The following SZRD1 variants were observed in gnomAD, a reference collection of about 807,000 sequenced individuals.
SZRD1 encodes the protein SUZ RNA-binding domain-containing.
In SZRD1, 7 loss-of-function variants were observed where a neutral mutation model predicts 17.6. The ratio of observed to expected loss-of-function variants is 0.40; its 90% CI spans 0.23 to 0.75. The LOEUF (loss-of-function observed/expected upper bound fraction) is 0.75, where lower values mean the gene tolerates loss of function less well. Among genes scored for constraint, SZRD1 ranks in the 30% least tolerant of loss-of-function variants. The pLI is 0.38. For synonymous variants in SZRD1, 77 were observed against 77.9 expected (o/e 0.99, Z 0.06); for missense variants, 178 against 201.8 (o/e 0.88, Z 0.71).
Position 16,393,164 on chromosome 1 carries a change from G to C in SZRD1, c.102-64G>C. ...AGGAAAGTGATGAGAGGTGGGTGTG[G>C]GACATGGACAGGGCCTCCTTAGTCA... On this transcript the variant is annotated intron_variant, in intron 2 of 3. Transcript: ENST00000401088. The surrounding 1 kb of genome is among the most constrained non-coding windows in gnomAD (Gnocchi z 5.6). The C allele has an allele frequency of 1.9e-6, 3 of 1,578,100 alleles. No individual in the cohort carries two copies. In the South Asian group the frequency reaches 3.5e-5, roughly 18 times the overall value.
At position 16,373,493 on chromosome 1, in the gene SZRD1, C is replaced by T. The variant is rs190262235; in HGVS notation, c.51+6185C>T. Among the ~76,000 whole-genome samples the T allele has an allele frequency of 8.5e-4, 127 of 150,214 alleles. No individual in the cohort carries two copies. The Middle Eastern group carries it at 0.017, about 20-fold the overall frequency. On this transcript the variant is annotated intron_variant, in intron 1 of 3. Coordinates refer to ENST00000401088, the MANE Select transcript of SZRD1 (RefSeq NM_001114600.3). Reference sequence around the variant, plus strand: ...ACTCGGGAGGCCAAGGCAGGAGAATCGCTTGAACCTGGGAGGTGGAGGTTG... The same window carrying T: ...ACTCGGGAGGCCAAGGCAGGAGAATTGCTTGAACCTGGGAGGTGGAGGTTG...
At chr1:16,389,188 A>G (rs376503166) in intron 1 of SZRD1, among the ~76,000 whole-genome samples, 139 of 137,282 alleles carry the variant, frequency 1.0e-3, no homozygotes, top group African/African-American at 3.7e-3. Flanking sequence ...GGTTCACGCC[A>G]TCCTCCTGCC....
At chr1:16,384,558 A>C (rs145928193) in intron 1 of SZRD1, among the ~76,000 whole-genome samples, 1 of 152,074 alleles carries the variant, frequency 6.6e-6, no homozygotes, top group African/African-American at 2.4e-5. Flanking sequence ...TATTTGTGGT[A>C]TGGGAAACAA....
Position 16,376,149 on chromosome 1 carries a change from G to A in SZRD1, c.51+8841G>A, listed in dbSNP as rs554766042. Among the ~76,000 whole-genome samples the A allele has an allele frequency of 8.8e-4, 134 of 152,292 alleles. 1 individual carries two copies. The highest frequency in any genetic ancestry group is 3.4e-3 in the Middle Eastern group (1 of 294). ...TCCTGGTCCGGGGAGGAAATCATGT[G>A]GTCGGTCCAGCCCTGGCTGTTAGGC... On this transcript the variant is annotated intron_variant, in intron 1 of 3. Transcript: ENST00000401088.
At chr1:16,368,213 A>C (rs1224306454) in intron 1 of SZRD1, among the ~76,000 whole-genome samples, 2 of 151,846 alleles carry the variant, frequency 1.3e-5, no homozygotes, top group East Asian at 3.8e-4. Flanking sequence ...GAATATGGGG[A>C]GATGCTTTTT....
rs187924314 is a variant in SZRD1, at chr1:16,381,454, G to A, written c.52-9921G>A. 2.0e-3 allele frequency among the ~76,000 whole-genome samples: 305 copies of A among 151,838 alleles called. 1 individual carries two copies. Among genetic ancestry groups the A allele is most frequent in the African/African-American group, 7.0e-3 (291 of 41,372 alleles). ...CGCCTGTAATCCCAGCTACTTGGGA[G>A]GCTGAGACAGGAGAATCGCTTGAAC... On this transcript the variant is annotated intron_variant, in intron 1 of 3. Coordinates refer to ENST00000401088, the MANE Select transcript of SZRD1 (RefSeq NM_001114600.3).
chr1:16,373,729 G>A (rs1436816580), intron 1 of SZRD1, among the ~76,000 whole-genome samples: 1 of 151,522 alleles, frequency 6.6e-6, no homozygotes. Context: ...TCAACCTCCC[G>A]AGTAGCTGGG....
intron 1 of SZRD1, chr1:16,367,675 C>G: frequency 3.6e-6 from 1 of 281,084 alleles, no homozygotes; most frequent in South Asian, 5.4e-5. Context: ...TTCTTGTGCT[C>G]TGACCGGGAC....
At chr1:16,394,475 C>T (rs1205053915) in intron 3 of SZRD1, among the ~76,000 whole-genome samples, 1 of 152,184 alleles carries the variant, frequency 6.6e-6, no homozygotes, top group Non-Finnish European at 1.5e-5. Flanking sequence ...TCAAGCACTC[C>T]CCCTGCCTAC....
chr1:16,369,261 A>G (rs1244164978), intron 1 of SZRD1: 2 of 613,172 alleles, frequency 3.3e-6, no homozygotes, highest in Non-Finnish European at 2.9e-6. Context: ...TATTCTTCAT[A>G]TATGTTTTGG....
chr1:16,381,097 A>C (rs1043955134), intron 1 of SZRD1, among the ~76,000 whole-genome samples: 3 of 151,452 alleles, frequency 2.0e-5, no homozygotes, highest in African/African-American at 4.8e-5. Flanking sequence ...AAAAAAAAAA[A>C]AAAAAAACTA....
At chr1:16,378,318 C>T (rs1158033718) in intron 1 of SZRD1, among the ~76,000 whole-genome samples, 3 of 134,750 alleles carry the variant, frequency 2.2e-5, no homozygotes, top group East Asian at 2.2e-4. Context: ...TGGAGTCTTG[C>T]TCTGTCGCCC....
Position 16,393,121 on chromosome 1 carries a change from G to A in SZRD1, c.102-107G>A, listed in dbSNP as rs536655167. The A allele has an allele frequency of 4.4e-5, 64 of 1,438,900 alleles. No individual in the cohort carries two copies. The African/African-American group carries it at 7.3e-4, about 16-fold the overall frequency. 89.1% of individuals were successfully genotyped at this position (1,438,900 alleles called of 1,614,324 possible). ...TCAGAGGCCAGAGAATCATGCATGG[G>A]TAGAATTAGGGAGGGAGAGGAAAGT... On this transcript the variant is annotated intron_variant, in intron 2 of 3. Coordinates refer to ENST00000401088, the MANE Select transcript of SZRD1 (RefSeq NM_001114600.3). The surrounding 1 kb of genome is among the most constrained non-coding windows in gnomAD (Gnocchi z 5.6).
Position 16,367,266 on chromosome 1 carries a change from T to C in SZRD1, c.9T>C (p.Asp3=). The C allele has an allele frequency of 1.9e-6, 3 of 1,548,118 alleles. No individual in the cohort carries two copies. Among genetic ancestry groups the C allele is most frequent in the Non-Finnish European group, 2.6e-6 (3 of 1,146,304 alleles). The part of the protein sequence containing the change: ME[D]EEVAESWEEA... The stretch of plus-strand genomic sequence containing the variant: ...GGAAAGCGGCGAGTAAGATGGAAGA[T>C]GAGGAGGTCGCTGAGAGCTGGGAAG... Residue 3 remains aspartate, a synonymous_variant, in exon 1 of 4, where the codon GAT becomes GAC. Transcript: ENST00000401088.
At position 16,393,823 on chromosome 1, in the gene SZRD1, G is replaced by A. The variant is rs2085257717; in HGVS notation, c.356+341G>A. ...TTCTTTAGAACGACTTGACCTCTCTGGGCCTTAGTTTTCTCATCTGAAAAA... is the reference window on the plus strand; with the variant it reads ...TTCTTTAGAACGACTTGACCTCTCTAGGCCTTAGTTTTCTCATCTGAAAAA... On this transcript the variant is annotated intron_variant, in intron 3 of 3. Transcript: ENST00000401088. The surrounding 1 kb of genome is among the most constrained non-coding windows in gnomAD (Gnocchi z 5.6). 6.6e-6 allele frequency among the ~76,000 whole-genome samples: 1 copy of A among 152,162 alleles called. No individual in the cohort carries two copies. The highest frequency in any genetic ancestry group is 1.5e-5 in the Non-Finnish European group (1 of 68,026).
intron 1 of SZRD1, chr1:16,369,562 T>C: frequency 1.4e-6 from 1 of 698,818 alleles, no homozygotes; most frequent in South Asian, 1.5e-5. Flanking sequence ...CCAGAGTTCT[T>C]TCTGCTATCC....
intron 1 of SZRD1, chr1:16,369,301 G>A: frequency 1.5e-6 from 1 of 679,080 alleles, no homozygotes; most frequent in South Asian, 1.8e-5. Flanking sequence ...TTTGGAGAAA[G>A]GCACCTCGGA....
intron 1 of SZRD1, among the ~76,000 whole-genome samples, chr1:16,369,753 A>G (rs969951548): frequency 6.6e-6 from 1 of 151,902 alleles, no homozygotes; most frequent in African/African-American, 2.4e-5. Context: ...GCTGGACCCT[A>G]TGGTACATAC....
At chr1:16,383,160 TTTTC>T (rs1188830328) in intron 1 of SZRD1, among the ~76,000 whole-genome samples, 5 of 152,022 alleles carry the variant, frequency 3.3e-5, no homozygotes, top group East Asian at 1.9e-4. Context: ...TTTCTTTTTC[TTTTC>T]TTTCTTTCTT....
Sources: allele counts gnomAD v4.1 joint callset (sites outside exome capture counted in the v4.1 genomes callset), GRCh38; gene constraint gnomAD v4.1.1; non-coding constraint Gnocchi (gnomAD v3.1); transcripts MANE v1.5; gene names NCBI Gene and HGNC (gene_info 2026-07-23, HGNC 2026-07-21).